The following DDRGK1 variants were observed in gnomAD, a reference collection of about 807,000 sequenced individuals.
The protein encoded by DDRGK1 is DDRGK domain containing 1.
In DDRGK1, 38 loss-of-function variants were observed where a neutral mutation model predicts 45.8. That is an observed-to-expected ratio of 0.83 (90% CI 0.64 to 1.09). The LOEUF (loss-of-function observed/expected upper bound fraction) is 1.09. DDRGK1 is among the 50% of genes least tolerant of loss of function. The pLI is 0.00. For synonymous variants in DDRGK1, 171 were observed against 168.7 expected (o/e 1.01, Z -0.11); for missense variants, 403 against 419.9 (o/e 0.96, Z 0.35).
At chr20:3,197,293 G>A (rs1241852729) in intron 4 of DDRGK1, among the ~76,000 whole-genome samples, 1 of 149,818 alleles carries the variant, frequency 6.7e-6, no homozygotes, top group Non-Finnish European at 1.5e-5. Flanking sequence ...CATATCTCCT[G>A]TAAGAGATTT....
At chr20:3,195,203 A>AG in intron 5 of DDRGK1, 28 bp downstream of exon 5, 1 of 1,613,848 alleles carries the variant, frequency 6.2e-7, no homozygotes, top group Non-Finnish European at 8.5e-7. Flanking sequence ...GGGTGCAGAG[A>AG]GGGGCTTCCC....
chr20:3,194,360 CT>C (rs1292591092), intron 6 of DDRGK1, among the ~76,000 whole-genome samples: 2 of 152,234 alleles, frequency 1.3e-5, no homozygotes, highest in African/African-American at 4.8e-5. Flanking sequence ...TGCGCAGTGG[CT>C]GCGGACAGAA....
At position 3,191,566 on chromosome 20, in the gene DDRGK1, G is replaced by GT. The variant is rs754275995; in HGVS notation, c.729+198dup. On this transcript the variant is annotated intron_variant, in intron 7 of 8. Transcript: ENST00000354488. ...GGGCTGGCAGAGTGATGGGGTTTGG[G>GT]TTTTTTTTTTCTTTCCTGCCTGTTC... 7.9e-3 allele frequency: 5,004 copies of GT among 630,632 alleles called. 1 individual carries two copies. Among genetic ancestry groups the GT allele is most frequent in the Non-Finnish European group, 9.6e-3 (3,431 of 358,356 alleles). 39.1% of individuals were successfully genotyped at this position (630,632 alleles called of 1,614,324 possible). A position where few individuals can be genotyped will look rare whatever the true frequency, so the allele number is the denominator to read the frequency against.
In DDRGK1 at chr20:3,190,644, G is replaced by A; in HGVS notation, c.*9C>T. Reference sequence around the variant, plus strand: ...CACCAACTCTGAGTCCAAGAGGGAAGGACTGGGGTCAGGCTGGGGCTTGGG... The same window carrying A: ...CACCAACTCTGAGTCCAAGAGGGAAAGACTGGGGTCAGGCTGGGGCTTGGG... On this transcript the variant is annotated 3_prime_UTR_variant, in exon 9 of 9. Transcript: ENST00000354488. The A allele has an allele frequency of 6.2e-7, 1 of 1,613,356 alleles. No individual in the cohort carries two copies. Among genetic ancestry groups the A allele is most frequent in the Non-Finnish European group, 8.5e-7 (1 of 1,179,916 alleles).
chr20:3,201,485 A>C (rs2067039388), intron 2 of DDRGK1, among the ~76,000 whole-genome samples: 2 of 151,738 alleles, frequency 1.3e-5, no homozygotes, highest in South Asian at 4.2e-4. Flanking sequence ...TCTCAAAAAA[A>C]AAAAAAAAAA....
At position 3,203,213 on chromosome 20, in the gene DDRGK1, C is replaced by A; in HGVS notation, c.295G>T (p.Ala99Ser). 6.3e-7 allele frequency: 1 copy of A among 1,576,680 alleles called. No individual in the cohort carries two copies. Among genetic ancestry groups the A allele is most frequent in the South Asian group, 1.2e-5 (1 of 86,436 alleles). ...CCCCACCAGGCTGGGCCCCTCTCAC[C>A]TAGGATGACAGCTTCCTCCTCGTTC... is the stretch of plus-strand genomic sequence containing the variant. ...DENEEEAVIL[A>S]QEEEGVEKPA... Residue 99 changes from alanine (A) to serine (S), a missense_variant and splice_region_variant, in exon 2 of 9, where the codon GCC (alanine) becomes TCC (serine). Transcript: ENST00000354488.
At position 3,203,358 on chromosome 20, in the gene DDRGK1, A is replaced by G; in HGVS notation, c.150T>C (p.Pro50=). The G allele has an allele frequency of 6.2e-7, 1 of 1,608,020 alleles. No homozygotes were observed. Among genetic ancestry groups the G allele is most frequent in the Non-Finnish European group, 8.5e-7 (1 of 1,176,938 alleles). ...TCGGCTCCTCAGGCTCCAGGGGCCC[A>G]GGCTGGGCCACCCGGCCTGCTCCTG... ...ELAGAGRVAQ[P]GPLEPEEPRA... is the part of the protein sequence containing the mutation. Residue 50 remains proline (P), a synonymous_variant, in exon 2 of 9, where the codon CCT becomes CCC. Transcript: ENST00000354488.
intron 1 of DDRGK1, 120 bp downstream of exon 1, chr20:3,204,417 C>CGCGCATGCGTCCCGCCCGCCCAGGT: frequency 1.0e-6 from 1 of 1,000,778 alleles, no homozygotes; most frequent in Non-Finnish European, 1.5e-6. Context: ...AGCGCACGGA[C>CGCGCATGCGTCCCGCCCGCCCAGGT]GCGCATGCGT....
chr20:3,193,132 G>T (rs1245273394), intron 6 of DDRGK1, among the ~76,000 whole-genome samples: 3 of 152,214 alleles, frequency 2.0e-5, no homozygotes, highest in Non-Finnish European at 4.4e-5. Context: ...GCAGAGGCAG[G>T]AAGATCGCCT....
intron 7 of DDRGK1, chr20:3,191,540 G>A: frequency 1.4e-6 from 1 of 732,234 alleles, no homozygotes; most frequent in Non-Finnish European, 2.5e-6. Flanking sequence ...TTTGGTCACA[G>A]GGGCTGGCAG....
Position 3,190,431 on chromosome 20 carries a change from C to T in DDRGK1, c.*222G>A. The stretch of plus-strand genomic sequence containing the variant: ...TCACCAGCTTCCAAGGGACCCTCCC[C>T]ACCTCTCGGATATATTCTGAAGCCT... On this transcript the variant is annotated 3_prime_UTR_variant, in exon 9 of 9. Coordinates refer to ENST00000354488, the MANE Select transcript of DDRGK1 (RefSeq NM_023935.3). 5.3e-6 allele frequency: 3 copies of T among 565,776 alleles called. No homozygotes were observed. Among genetic ancestry groups the T allele is most frequent in the Non-Finnish European group, 9.2e-6 (3 of 324,832 alleles). 35.0% of individuals were successfully genotyped at this position (565,776 alleles called of 1,614,324 possible).
Position 3,203,419 on chromosome 20 carries a change from G to A in DDRGK1, c.92-3C>T. On this transcript the variant is annotated splice_polypyrimidine_tract_variant and splice_region_variant and intron_variant, in intron 1 of 8. Transcript: ENST00000354488. ...ATTGTGCAGTGGCTCTTGGCCGGCT[G>A]TAGGGAAGACAGAAATGACAATGCT... 1 of 1,552,408 alleles carries A rather than the reference G, an allele frequency of 6.4e-7. No homozygotes were observed.
intron 4 of DDRGK1, among the ~76,000 whole-genome samples, chr20:3,198,681 C>G (rs1462232187): frequency 3.0e-5 from 2 of 66,316 alleles, no homozygotes; most frequent in African/African-American, 1.4e-4. Flanking sequence ...GCCTAGGCAA[C>G]AAGAGTGGAA....
intron 2 of DDRGK1, 72 bp downstream of exon 2, chr20:3,203,141 C>T (rs2067048161): frequency 7.2e-6 from 10 of 1,382,402 alleles, no homozygotes; most frequent in Non-Finnish European, 9.6e-6. Flanking sequence ...TACTCCCCCA[C>T]TTAGCTTTGG....
rs778690394 is a variant in DDRGK1 at position 3,195,328 on chromosome 20, T to C, written c.536A>G (p.Glu179Gly). ...CTCATGCTCCCGCTGGGCCTGCTCC[T>C]CGCGGGCCTTCCTCTCCTCCTCCTC... is the stretch of plus-strand genomic sequence containing the variant. Reference protein sequence around the residue: ...QKEEEERKAREEQAQREHEEY... With the variant: ...QKEEEERKARGEQAQREHEEY... Residue 179 changes from glutamate to glycine, a missense_variant, in exon 5 of 9, where the codon GAG becomes GGG. Coordinates refer to ENST00000354488, the MANE Select transcript of DDRGK1 (RefSeq NM_023935.3). 54 of 1,607,718 alleles carry C rather than the reference T, an allele frequency of 3.4e-5. No homozygotes were observed. Among genetic ancestry groups the C allele is most frequent in the Non-Finnish European group, 4.2e-5 (49 of 1,176,864 alleles).
chr20:3,203,290 C>T lies in DDRGK1; in HGVS notation c.218G>A (p.Arg73His), dbSNP rs547447618. 12 of 1,607,658 alleles carry T rather than the reference C, an allele frequency of 7.5e-6. No individual in the cohort carries two copies. Among genetic ancestry groups the T allele is most frequent in the African/African-American group, 2.7e-5 (2 of 74,912 alleles). Residue 73 changes from arginine to histidine, a missense_variant, in exon 2 of 9, where the codon CGC (arginine) becomes CAC (histidine). Transcript: ENST00000354488. ...CTGGGCTCGACGCTGGGCCTGTAGG[C>T]GGCTGCCCAGGTCCCTCCGGCGCCG... Reference protein sequence around the residue: ...RPRRRRDLGSRLQAQRRAQRV... With the variant: ...RPRRRRDLGSHLQAQRRAQRV...
At chr20:3,200,543 G>A (rs1180429154) in intron 2 of DDRGK1, 89 bp from the exon 3 acceptor site, 5 of 1,206,370 alleles carry the variant, frequency 4.1e-6, no homozygotes, top group African/African-American at 3.0e-5. Context: ...TCCCCTAACA[G>A]GGGGATCCCC....
In DDRGK1 at chr20:3,200,335, G is replaced by T; in HGVS notation, c.408+7C>A. 6.4e-7 allele frequency: 1 copy of T among 1,558,256 alleles called. No individual in the cohort carries two copies. On this transcript the variant is annotated splice_region_variant and intron_variant, in intron 3 of 8. Coordinates refer to ENST00000354488, the MANE Select transcript of DDRGK1 (RefSeq NM_023935.3). ...TCCCAGAGCTGCACCCCATCCCTCC[G>T]GCTTGCCTCACGCTGGGCCTTTCGC...
intron 4 of DDRGK1, among the ~76,000 whole-genome samples, chr20:3,199,501 T>C (rs548158343): frequency 2.4e-4 from 36 of 152,274 alleles, no homozygotes; most frequent in African/African-American, 7.0e-4. Context: ...GTACCCCACA[T>C]CTTTATGGTG....
Sources: gnomAD v4.1 joint callset for allele counts (sites outside exome capture counted in the v4.1 genomes callset) on GRCh38, gnomAD v4.1.1 for gene constraint, MANE v1.5 for transcripts, NCBI Gene and HGNC (gene_info 2026-07-23, HGNC 2026-07-21) for gene names.